ANKFN1: variants seen among roughly 807,000 people sequenced by gnomAD.
ANKFN1 encodes ankyrin repeat and fibronectin type-III domain-containing protein 1.
In ANKFN1, 74 loss-of-function variants were observed where a neutral mutation model predicts 108.7. The ratio of observed to expected loss-of-function variants is 0.68; its 90% CI spans 0.56 to 0.83. The LOEUF (loss-of-function observed/expected upper bound fraction) is 0.83. ANKFN1 is among the 40% of genes least tolerant of loss of function. The pLI is 0.00. For synonymous variants in ANKFN1, 547 were observed against 516.2 expected, an observed-to-expected ratio of 1.06 and a Z score of -0.81; for missense variants, 1,505 against 1,382.3, an observed-to-expected ratio of 1.09 and a Z score of -1.41.
intron 3 of ANKFN1, among the ~76,000 whole-genome samples, chr17:56,300,812 G>T (rs2044651071): frequency 6.6e-6 from 1 of 152,118 alleles, no homozygotes; most frequent in Admixed American, 6.5e-5. Context: ...TTGCCCACCA[G>T]CCTGAGAGTC....
intron 1 of ANKFN1, among the ~76,000 whole-genome samples, chr17:56,187,413 G>A (rs1486097353): frequency 4.6e-5 from 7 of 152,064 alleles, no homozygotes; most frequent in Admixed American, 2.0e-4. Context: ...TTAGAATGGC[G>A]ATCATTAAAA....
intron 3 of ANKFN1, among the ~76,000 whole-genome samples, chr17:56,276,563 A>G (rs1163621132): frequency 6.6e-6 from 1 of 152,146 alleles, no homozygotes; most frequent in African/African-American, 2.4e-5. Flanking sequence ...GTGAGATGGT[A>G]TCTCATTGTG....
intron 4 of ANKFN1, among the ~76,000 whole-genome samples, chr17:56,086,363 C>T (rs1905314440): frequency 6.6e-6 from 1 of 151,330 alleles, no homozygotes; most frequent in African/African-American, 2.4e-5. Context: ...CAAGATCACA[C>T]CATTGCACTC....
chr17:56,207,367 T>C (rs1224372636), intron 1 of ANKFN1, among the ~76,000 whole-genome samples: 1 of 152,222 alleles, frequency 6.6e-6, no homozygotes, highest in Non-Finnish European at 1.5e-5. Flanking sequence ...GCTGTAGTCA[T>C]GTCTTTGAGT....
At chr17:56,337,608 A>G (rs963125469) in intron 4 of ANKFN1, among the ~76,000 whole-genome samples, 1 of 112,194 alleles carries the variant, frequency 8.9e-6, no homozygotes, top group Non-Finnish European at 2.1e-5. Context: ...ACAAATTTAC[A>G]AGAAAAAAAG....
rs577864741 is a variant in ANKFN1, at chr17:56,425,876, T to G, written c.911-14451T>G. ...TTCCCACCATTGTACTGTTACTGTCTGTAGGATAAGATTTGAGCTTTGTTC... is the reference window on the plus strand; with the variant it reads ...TTCCCACCATTGTACTGTTACTGTCGGTAGGATAAGATTTGAGCTTTGTTC... On this transcript the variant is annotated intron_variant, in intron 8 of 20. Transcript: ENST00000682825. 5.6e-4 allele frequency among the ~76,000 whole-genome samples: 85 copies of G among 152,328 alleles called. No homozygotes were observed. The South Asian group carries it at 9.7e-3, about 17-fold the overall frequency.
At chr17:56,343,160 C>G (rs543438012) in intron 4 of ANKFN1, among the ~76,000 whole-genome samples, 2 of 151,900 alleles carry the variant, frequency 1.3e-5, no homozygotes, top group South Asian at 4.1e-4. Flanking sequence ...GGTAGCTTTT[C>G]CTCATCCCTT....
intron 6 of ANKFN1, among the ~76,000 whole-genome samples, chr17:56,357,835 A>T (rs1393401945): frequency 6.6e-6 from 1 of 152,174 alleles, no homozygotes; most frequent in Non-Finnish European, 1.5e-5. Context: ...AGAGTGTTTT[A>T]CACCTACAAA....
At chr17:56,444,667 TC>T (rs2049223157) in intron 10 of ANKFN1, among the ~76,000 whole-genome samples, 1 of 152,190 alleles carries the variant, frequency 6.6e-6, no homozygotes, top group African/African-American at 2.4e-5. Flanking sequence ...AATTTAATCT[TC>T]GTAAGGTACC....
intron 3 of ANKFN1, among the ~76,000 whole-genome samples, chr17:56,306,762 A>G (rs1420417375): frequency 6.6e-6 from 1 of 152,212 alleles, no homozygotes; most frequent in East Asian, 1.9e-4. Flanking sequence ...AAGAGCCCAC[A>G]TTGCCAAGTC....
intron 1 of ANKFN1, among the ~76,000 whole-genome samples, chr17:56,202,168 G>T (rs1289553701): frequency 6.6e-6 from 1 of 152,218 alleles, no homozygotes; most frequent in Non-Finnish European, 1.5e-5. Flanking sequence ...AGTTGGAAAT[G>T]GATGTGAGCT....
At chr17:56,196,138 C>T (rs977898439) in intron 1 of ANKFN1, among the ~76,000 whole-genome samples, 2 of 152,172 alleles carry the variant, frequency 1.3e-5, no homozygotes, top group East Asian at 1.9e-4. Flanking sequence ...TATGGTGGCT[C>T]GTGCCTGTAG....
chr17:56,142,385 G>T (rs562285610), intron 4 of ANKFN1, among the ~76,000 whole-genome samples: 32 of 152,198 alleles, frequency 2.1e-4, no homozygotes, highest in African/African-American at 6.5e-4. Context: ...AGTAGCTATT[G>T]GCCAAGTTCA....
chr17:56,396,991 A>G (rs2047607485), intron 8 of ANKFN1, among the ~76,000 whole-genome samples: 1 of 152,116 alleles, frequency 6.6e-6, no homozygotes, highest in South Asian at 2.1e-4. Flanking sequence ...AATAATATCA[A>G]ACTCTCCTAG....
chr17:56,211,423 C>T (rs970686982), intron 1 of ANKFN1, among the ~76,000 whole-genome samples: 3 of 152,122 alleles, frequency 2.0e-5, no homozygotes, highest in Admixed American at 1.3e-4. Flanking sequence ...AAGTATTTAG[C>T]TTTATTTCTG....
intron 10 of ANKFN1, among the ~76,000 whole-genome samples, chr17:56,445,225 C>T (rs916240987): frequency 6.6e-6 from 1 of 152,170 alleles, no homozygotes; most frequent in African/African-American, 2.4e-5. Flanking sequence ...AAATGCTAGT[C>T]TCAGTTGACC....
intron 3 of ANKFN1, among the ~76,000 whole-genome samples, chr17:56,252,824 C>T (rs1312004994): frequency 6.6e-6 from 1 of 151,456 alleles, no homozygotes; most frequent in African/African-American, 2.4e-5. Flanking sequence ...CTCTTGGAGC[C>T]CCACGAGGGA....
chr17:56,362,510 T>C (rs1160655025), intron 6 of ANKFN1, among the ~76,000 whole-genome samples: 1 of 152,196 alleles, frequency 6.6e-6, no homozygotes, highest in Non-Finnish European at 1.5e-5. Context: ...GAGAATAGTC[T>C]CTTCAATATA....
At chr17:56,171,988 T>C (rs1910732963) in intron 1 of ANKFN1, among the ~76,000 whole-genome samples, 1 of 152,172 alleles carries the variant, frequency 6.6e-6, no homozygotes. Flanking sequence ...TATTTGCTGT[T>C]ATCAGGAACA....
Sources: allele counts gnomAD v4.1 joint callset (sites outside exome capture counted in the v4.1 genomes callset), GRCh38; gene constraint gnomAD v4.1.1; transcripts MANE v1.5; gene names NCBI Gene and HGNC (gene_info 2026-07-23, HGNC 2026-07-21).